CLPSL1: variants seen among roughly 807,000 people sequenced by gnomAD.
CLPSL1 encodes colipase-like protein 1.
A neutral mutation model predicts 9.3 loss-of-function variants in CLPSL1; 13 were observed. That is an observed-to-expected ratio of 1.40 (90% CI 0.91 to 2.22). CLPSL1 has a LOEUF of 2.22. Ranked by LOEUF, CLPSL1 falls within the 30% of genes most tolerant of loss-of-function variation. CLPSL1 has a pLI of 0.00. For missense variants in CLPSL1, 164 were observed against 146.6 expected (o/e 1.12, Z -0.61); for synonymous variants, 58 against 56.9 (o/e 1.02, Z -0.08).
chr6:35,786,235 G>A (rs371319498), intron 1 of CLPSL1, among the ~76,000 whole-genome samples: 2 of 152,272 alleles, frequency 1.3e-5, no homozygotes, highest in African/African-American at 4.8e-5. Context: ...CTGCGCGATG[G>A]AAGCAAGACT....
chr6:35,791,512 G>A (rs1312300891), downstream of CLPSL1, among the ~76,000 whole-genome samples: 1 of 151,860 alleles, frequency 6.6e-6, no homozygotes, highest in Non-Finnish European at 1.5e-5. Context: ...GGAGGCTGAG[G>A]CAGGAGAATC....
At chr6:35,786,903 C>G in intron 1 of CLPSL1, 95 bp from the exon 2 acceptor site, 1 of 1,443,244 alleles carries the variant, frequency 6.9e-7, no homozygotes, top group South Asian at 1.3e-5. Context: ...GGAGCAGAGT[C>G]TGGGGAGGAG....
At chr6:35,788,284 T>C, downstream of CLPSL1, 1 of 449,706 alleles carries the variant, frequency 2.2e-6, no homozygotes, top group Non-Finnish European at 4.1e-6. Flanking sequence ...TTTCCCCAGT[T>C]GGGGCATGAA....
exon 2 of CLPSL1, chr6:35,793,537 G>C (rs772945892): frequency 2.5e-5 from 12 of 471,746 alleles, no homozygotes. Context: ...AGAACGTGAA[G>C]TCATGAGCTG....
At position 35,787,922 on chromosome 6, in the gene CLPSL1, A is replaced by G. The variant is rs1561941817; in HGVS notation, c.278A>G (p.Tyr93Cys). 1 of 1,610,698 alleles carries G rather than the reference A, an allele frequency of 6.2e-7. No individual in the cohort carries two copies. The highest frequency in any genetic ancestry group is 8.5e-7 in the Non-Finnish European group (1 of 1,176,872). ...TGCCTGCGGAACCTGACTTGTATAT[A>G]TTCAAAGAATGAGAAATGGCTTAGC... The part of the protein sequence containing the change: ...CPCLRNLTCI[Y>C]SKNEKWLSIA... The change falls in exon 3 of 3, where the codon TAT (tyrosine) becomes TGT (cysteine). Residue 93 changes from tyrosine (Y) to cysteine (C), a missense_variant. By Grantham distance (194) the Tyr-to-Cys change is radical (BLOSUM62 -2). Transcript: ENST00000373861.
chr6:35,789,797 G>A (rs1284942472), downstream of CLPSL1, among the ~76,000 whole-genome samples: 1 of 152,214 alleles, frequency 6.6e-6, no homozygotes, highest in Non-Finnish European at 1.5e-5. Context: ...AGGGGGCTGA[G>A]GTGGGAGAAT....
chr6:35,787,134 C>T lies in CLPSL1; in HGVS notation c.222+14C>T, dbSNP rs749008760. 2 of 1,611,034 alleles carry T rather than the reference C, an allele frequency of 1.2e-6. No individual in the cohort carries two copies. Among genetic ancestry groups the T allele is most frequent in the Non-Finnish European group, 1.7e-6 (2 of 1,179,312 alleles). ...TGTCAAACGCAGGTGGGTATCGCCGCCCGGGGGGAGCCAGAGGGGATCCAG... is the reference window on the plus strand; with the variant it reads ...TGTCAAACGCAGGTGGGTATCGCCGTCCGGGGGGAGCCAGAGGGGATCCAG... On this transcript the variant is annotated intron_variant, in intron 2 of 2. Coordinates refer to ENST00000373861, the MANE Select transcript of CLPSL1 (RefSeq NM_001010886.5).
At chr6:35,788,556 C>A (rs893180894), downstream of CLPSL1, among the ~76,000 whole-genome samples, 1 of 152,100 alleles carries the variant, frequency 6.6e-6, no homozygotes, top group Non-Finnish European at 1.5e-5. Flanking sequence ...CTGCAACAAA[C>A]CTGTGGGGTC....
At chr6:35,784,954 G>A (rs1768038813) in intron 1 of CLPSL1, among the ~76,000 whole-genome samples, 1 of 152,108 alleles carries the variant, frequency 6.6e-6, no homozygotes, top group Non-Finnish European at 1.5e-5. Context: ...GCAACTTGAA[G>A]GGCAAGTGCA....
In CLPSL1 at chr6:35,787,920, A is replaced by G. The variant is rs1768116679; in HGVS notation, c.276A>G (p.Ile92Met). 3 of 1,610,030 alleles carry G rather than the reference A, an allele frequency of 1.9e-6. 1 individual carries two copies. Among genetic ancestry groups the G allele is most frequent in the South Asian group, 2.2e-5 (2 of 90,998 alleles). ...CCTGCCTGCGGAACCTGACTTGTAT[A>G]TATTCAAAGAATGAGAAATGGCTTA... ...ACPCLRNLTC[I>M]YSKNEKWLSI... is the part of the protein sequence containing the mutation. Residue 92 changes from isoleucine (I) to methionine (M), a missense_variant, in exon 3 of 3, where the codon ATA becomes ATG. Ile to Met is a conservative substitution (Grantham distance 10). Transcript: ENST00000373861.
At chr6:35,783,693 AG>A (rs1369275983) in intron 1 of CLPSL1, among the ~76,000 whole-genome samples, 1 of 151,694 alleles carries the variant, frequency 6.6e-6, no homozygotes, top group Admixed American at 6.6e-5. Flanking sequence ...CTGTAATCCC[AG>A]CTACTCAGGA....
chr6:35,788,171 G>C (rs1032842331), downstream of CLPSL1: 5 of 660,840 alleles, frequency 7.6e-6, no homozygotes, highest in Non-Finnish European at 1.4e-5. Context: ...ACAGAGTTGG[G>C]GCCTGGGTGG....
At position 35,787,018 on chromosome 6, in the gene CLPSL1, C is replaced by A; in HGVS notation, c.120C>A (p.Ile40=). The part of the protein sequence containing the change: ...YNLLELKESC[I]RNQDCETGCC... ...TGCAGGAGCTCAAGGAGTCTTGCAT[C>A]CGGAACCAGGACTGCGAGACTGGCT... The change falls in exon 2 of 3, where the codon ATC becomes ATA. Residue 40 remains isoleucine, a synonymous_variant. Coordinates refer to ENST00000373861, the MANE Select transcript of CLPSL1 (RefSeq NM_001010886.5). 6.3e-7 allele frequency: 1 copy of A among 1,586,606 alleles called. No individual in the cohort carries two copies. The highest frequency in any genetic ancestry group is 8.6e-7 in the Non-Finnish European group (1 of 1,168,340).
downstream of CLPSL1, among the ~76,000 whole-genome samples, chr6:35,792,103 A>G (rs1187645239): frequency 2.3e-5 from 2 of 87,118 alleles, no homozygotes; most frequent in Non-Finnish European, 4.3e-5. Context: ...CCACAAAAAT[A>G]AATAAATAAA....
downstream of CLPSL1, among the ~76,000 whole-genome samples, chr6:35,792,726 C>T (rs1326431534): frequency 6.6e-6 from 1 of 152,266 alleles, no homozygotes; most frequent in Non-Finnish European, 1.5e-5. Context: ...TCCTTATGCC[C>T]CCCACAGTCC....
At position 35,781,225 on chromosome 6, in the gene CLPSL1, A is replaced by C. The variant is rs751389558; in HGVS notation, c.99+16A>C. ...CAACCTTTTGGTAAGAAAGCTGGAG[A>C]GTGCAGTCACCTCCCCCTCCACTGT... On this transcript the variant is annotated intron_variant, in intron 1 of 2. Transcript: ENST00000373861. 1 of 1,612,346 alleles carries C rather than the reference A, an allele frequency of 6.2e-7. No homozygotes were observed. Among genetic ancestry groups the C allele is most frequent in the Admixed American group, 1.7e-5 (1 of 59,978 alleles).
downstream of CLPSL1, among the ~76,000 whole-genome samples, chr6:35,791,644 T>G (rs772737764): frequency 5.9e-5 from 9 of 152,054 alleles, no homozygotes; most frequent in Non-Finnish European, 1.2e-4. Context: ...GAAAATACAT[T>G]TAATGGGCAG....
At chr6:35,783,779 G>A (rs1768015961) in intron 1 of CLPSL1, among the ~76,000 whole-genome samples, 2 of 145,578 alleles carry the variant, frequency 1.4e-5, no homozygotes, top group Admixed American at 1.4e-4. Context: ...CTGCATTCCA[G>A]CCTGGGCGAC....
chr6:35,786,849 C>G, intron 1 of CLPSL1, 149 bp from the exon 2 acceptor site: 1 of 1,022,690 alleles, frequency 9.8e-7, no homozygotes, highest in East Asian at 2.7e-5. Flanking sequence ...CCCCGGCCCC[C>G]ACGTAGAGAC....
Sources: gnomAD v4.1 joint callset for allele counts (sites outside exome capture counted in the v4.1 genomes callset) on GRCh38, gnomAD v4.1.1 for gene constraint, MANE v1.5 for transcripts, NCBI Gene and HGNC (gene_info 2026-07-23, HGNC 2026-07-21) for gene names.